Variants in ATRNL1 observed in about 807,000 individuals in gnomAD.
ATRNL1 encodes the protein attractin-like protein 1.
Under a neutral mutation model 182.7 loss-of-function variants are expected in ATRNL1, and 95 were observed. That is an observed-to-expected ratio of 0.52 (90% CI 0.44 to 0.62). The LOEUF (loss-of-function observed/expected upper bound fraction) is 0.62, where lower values mean the gene tolerates loss of function less well. Ranked by LOEUF, ATRNL1 falls within the 20% of genes least tolerant of loss-of-function variation. The pLI is 0.00. For missense variants in ATRNL1, 1,471 were observed against 1,679.5 expected (o/e 0.88, Z 2.17); for synonymous variants, 576 against 568.3 (o/e 1.01, Z -0.19).
chr10:115,666,201 G>A (rs1555039636), intron 26 of ATRNL1, among the ~76,000 whole-genome samples: 1 of 152,082 alleles, frequency 6.6e-6, no homozygotes, highest in African/African-American at 2.4e-5. Context: ...AATTTTAAAA[G>A]AAACTTCCAG....
At chr10:115,113,193 C>CCT (rs1322030664) in intron 1 of ATRNL1, among the ~76,000 whole-genome samples, 7 of 152,124 alleles carry the variant, frequency 4.6e-5, no homozygotes, top group Non-Finnish European at 8.8e-5. Context: ...TTCTGGATGG[C>CCT]CAAAATATAA....
At chr10:115,490,860 G>A (rs868974078) in intron 24 of ATRNL1, among the ~76,000 whole-genome samples, 26 of 152,076 alleles carry the variant, frequency 1.7e-4, no homozygotes, top group African/African-American at 6.3e-4. Context: ...CCCCATCTTC[G>A]TGTATTTATC....
chr10:115,693,055 G>C (rs1401492103), intron 26 of ATRNL1, among the ~76,000 whole-genome samples: 6 of 151,952 alleles, frequency 3.9e-5, no homozygotes, highest in Non-Finnish European at 8.8e-5. Flanking sequence ...GAGCACTTTT[G>C]TGGAAAATTC....
Position 115,519,466 on chromosome 10 carries a change from T to A in ATRNL1, c.3716+142T>A, listed in dbSNP as rs1247146526. 4.3e-6 allele frequency: 3 copies of A among 690,988 alleles called. No individual in the cohort carries two copies. The African/African-American group carries it at 5.6e-5, about 13-fold the overall frequency. 42.8% of individuals were successfully genotyped at this position (690,988 alleles called of 1,614,324 possible). ...TTGAATAGCTTTATATGCTTAAATA[T>A]ATCCCACAGAGGAGAGGTAACATAG... On this transcript the variant is annotated intron_variant, in intron 25 of 28. Transcript: ENST00000355044.
chr10:115,473,466 A>C (rs1008304637), intron 24 of ATRNL1, among the ~76,000 whole-genome samples: 1 of 151,386 alleles, frequency 6.6e-6, no homozygotes, highest in Non-Finnish European at 1.5e-5. Flanking sequence ...AGAAATTTTC[A>C]ACTTAGTCCA....
intron 28 of ATRNL1, among the ~76,000 whole-genome samples, chr10:115,902,579 CAG>C (rs1183680542): frequency 6.6e-6 from 1 of 152,116 alleles, no homozygotes; most frequent in Non-Finnish European, 1.5e-5. Flanking sequence ...GTGAAAACAG[CAG>C]AGTCTGGAGT....
At position 115,461,989 on chromosome 10, in the gene ATRNL1, A is replaced by G. The variant is rs1554969759; in HGVS notation, c.3371A>G (p.Asp1124Gly). ...YQFTFSLLQE[D>G]DRHHTAINFI... ...TTTACCTTCAGCTTATTACAGGAAG[A>G]TGATCGCCACCATACTGCCATAAAC... Residue 1124 changes from aspartate to glycine, a missense_variant, in exon 22 of 29, where the codon GAT becomes GGT. Asp to Gly is a moderately conservative substitution (Grantham distance 94). This residue lies in a region of ATRNL1 where 437 missense variants were observed against 506.0 expected (regional missense o/e 0.86). Transcript: ENST00000355044. 1.2e-6 allele frequency: 2 copies of G among 1,611,854 alleles called. No homozygotes were observed. Among genetic ancestry groups the G allele is most frequent in the East Asian group, 2.2e-5 (1 of 44,640 alleles).
At chr10:115,709,284 C>T (rs1344473454) in intron 26 of ATRNL1, among the ~76,000 whole-genome samples, 4 of 151,930 alleles carry the variant, frequency 2.6e-5, no homozygotes, top group African/African-American at 4.8e-5. Context: ...AGAATTCAAT[C>T]GGTATTTGTT....
At chr10:115,373,259 T>C (rs1263538313) in intron 19 of ATRNL1, among the ~76,000 whole-genome samples, 1 of 152,014 alleles carries the variant, frequency 6.6e-6, no homozygotes, top group Non-Finnish European at 1.5e-5. Flanking sequence ...TTCTAATGGG[T>C]TTTTGGTGGA....
At chr10:115,526,983 C>T (rs1312429310) in intron 25 of ATRNL1, among the ~76,000 whole-genome samples, 6 of 152,032 alleles carry the variant, frequency 3.9e-5, no homozygotes, top group Non-Finnish European at 7.4e-5. Flanking sequence ...GGTATTTCTG[C>T]CATGTTTAGT....
intron 15 of ATRNL1, among the ~76,000 whole-genome samples, chr10:115,297,955 G>C (rs1228870487): frequency 6.6e-6 from 1 of 151,856 alleles, no homozygotes; most frequent in African/African-American, 2.4e-5. Flanking sequence ...TTGAATGTGT[G>C]ATGAACTTAG....
At position 115,302,026 on chromosome 10, in the gene ATRNL1, A is replaced by C; in HGVS notation, c.2801A>C (p.Gln934Pro). 6.2e-7 allele frequency: 1 copy of C among 1,612,666 alleles called. No individual in the cohort carries two copies. The highest frequency in any genetic ancestry group is 1.1e-5 in the South Asian group (1 of 90,728). Reference protein sequence around the residue: ...SFPYGQCLEWQTATCSPQNCS... With the variant: ...SFPYGQCLEWPTATCSPQNCS... ...CCATATGGACAATGTCTAGAGTGGC[A>C]AACTGCCACCTGCTCCCGTAAGTAT... The change falls in exon 17 of 29, where the codon CAA becomes CCA. Residue 934 changes from glutamine to proline, a missense_variant. Around this residue, in one of 3 missense-constraint regions of ATRNL1, gnomAD observed 1,031 missense variants for 1,156.0 expected, o/e 0.89. Coordinates refer to ENST00000355044, the MANE Select transcript of ATRNL1 (RefSeq NM_207303.4).
In ATRNL1 at chr10:115,215,772, A is replaced by T. The variant is rs1554896074; in HGVS notation, c.1424A>T (p.Asp475Val). 2.5e-6 allele frequency: 4 copies of T among 1,610,318 alleles called. No individual in the cohort carries two copies. The highest frequency in any genetic ancestry group is 1.7e-4 in the Middle Eastern group (1 of 6,040). The change falls in exon 9 of 29, where the codon GAT becomes GTT. Residue 475 changes from aspartate to valine, a missense_variant. Coordinates refer to ENST00000355044, the MANE Select transcript of ATRNL1 (RefSeq NM_207303.4). The part of the protein sequence containing the change: ...QGGYGHTSVY[D>V]EITKSIYVHG... ...GGATATGGCCATACTAGTGTGTATG[A>T]TGAAATAACAAAGTCCATTTATGTT...
chr10:115,592,767 A>G (rs570548673), intron 26 of ATRNL1, among the ~76,000 whole-genome samples: 1 of 151,946 alleles, frequency 6.6e-6, no homozygotes, highest in Non-Finnish European at 1.5e-5. Flanking sequence ...GGATGGTGGC[A>G]CTTTTAACAG....
chr10:115,690,905 G>A (rs1946373434), intron 26 of ATRNL1, among the ~76,000 whole-genome samples: 1 of 152,170 alleles, frequency 6.6e-6, no homozygotes. Context: ...AATTGCAGCA[G>A]TCCACAGTAG....
At chr10:115,400,517 G>C (rs675780) in intron 20 of ATRNL1, among the ~76,000 whole-genome samples, 4,059 of 152,104 alleles carry the variant, frequency 0.027, 216 homozygotes, top group African/African-American at 0.094. Flanking sequence ...CTGTCTCAGT[G>C]ATCTGTCTAA....
At chr10:115,337,330 A>G (rs1855538497) in intron 19 of ATRNL1, among the ~76,000 whole-genome samples, 1 of 152,170 alleles carries the variant, frequency 6.6e-6, no homozygotes, top group Non-Finnish European at 1.5e-5. Flanking sequence ...TTTGTGTTAC[A>G]AAGAATCTAA....
intron 26 of ATRNL1, among the ~76,000 whole-genome samples, chr10:115,578,534 G>A (rs1854868952): frequency 6.6e-6 from 1 of 151,558 alleles, no homozygotes; most frequent in South Asian, 2.1e-4. Context: ...TTCTTGGCAT[G>A]TAATTGTTCA....
In ATRNL1 at chr10:115,683,548, G is replaced by GTTTTTTTT. The variant is rs59383182; in HGVS notation, c.3796-43691_3796-43684dup. Among the ~76,000 whole-genome samples, 198 of 110,922 alleles carry GTTTTTTTT rather than the reference G, an allele frequency of 1.8e-3. 17 individuals carry two copies. The highest frequency in any genetic ancestry group is 0.011 in the East Asian group (32 of 2,908). 72.8% of individuals were successfully genotyped at this position (110,922 alleles called of 152,430 possible). A position where few individuals can be genotyped will look rare whatever the true frequency, so the allele number is the denominator to read the frequency against. ...ATATGGGAAGAAGAAGAGAACTAGC[G>GTTTTTTTT]TTTTTTTTTTTTTTTTGCATGCCTA... On this transcript the variant is annotated intron_variant, in intron 26 of 28. Transcript: ENST00000355044.
Sources: gnomAD v4.1 joint callset for allele counts (sites outside exome capture counted in the v4.1 genomes callset) on GRCh38, gnomAD v4.1.1 for gene constraint, gnomAD v4.1.1 regional missense constraint, MANE v1.5 for transcripts, NCBI Gene and HGNC (gene_info 2026-07-23, HGNC 2026-07-21) for gene names.